The following KLHDC8A variants were observed in gnomAD, a reference collection of about 807,000 sequenced individuals.
KLHDC8A encodes kelch domain containing 8A.
Under a neutral mutation model 33.1 loss-of-function variants are expected in KLHDC8A, and 21 were observed. That is an observed-to-expected ratio of 0.64 (90% CI 0.45 to 0.91). KLHDC8A has a LOEUF of 0.91. Among genes scored for constraint, KLHDC8A ranks in the 40% least tolerant of loss-of-function variants. KLHDC8A has a pLI of 0.00. For synonymous variants in KLHDC8A, 173 were observed against 193.5 expected (o/e 0.89, Z 0.88); for missense variants, 435 against 483.3 (o/e 0.90, Z 0.94).
intron 1 of KLHDC8A, among the ~76,000 whole-genome samples, chr1:205,344,665 A>T (rs114827346): frequency 2.1e-3 from 320 of 152,332 alleles, no homozygotes; most frequent in African/African-American, 7.3e-3. Flanking sequence ...ATTATCATAT[A>T]GTTTAACCTC....
chr1:205,341,979 C>T (rs372136611), intron 2 of KLHDC8A, among the ~76,000 whole-genome samples: 19 of 152,314 alleles, frequency 1.2e-4, no homozygotes, highest in East Asian at 1.2e-3. Flanking sequence ...GACTGTAGGC[C>T]GTTGAGAATT....
chr1:205,337,657 A>G (rs1574904568), intron 5 of KLHDC8A, 65 bp from the exon 6 acceptor site: 2 of 1,245,182 alleles, frequency 1.6e-6, no homozygotes, highest in Non-Finnish European at 2.3e-6. Flanking sequence ...CCCCACGGTC[A>G]CCCCACCTCC....
intron 5 of KLHDC8A, 116 bp downstream of exon 5, chr1:205,338,379 A>G (rs1662691820): frequency 1.2e-5 from 9 of 759,864 alleles, no homozygotes; most frequent in Non-Finnish European, 1.8e-5. Flanking sequence ...TTTGGAGTAT[A>G]GTGGTAGGCA....
intron 2 of KLHDC8A, among the ~76,000 whole-genome samples, chr1:205,342,456 G>C (rs559899451): frequency 6.6e-6 from 1 of 152,178 alleles, no homozygotes. Context: ...CAGATCTTCC[G>C]CCTCTTTCCT....
In KLHDC8A at chr1:205,338,559, C is replaced by A; in HGVS notation, c.795G>T (p.Lys265Asn). The A allele has an allele frequency of 1.2e-6, 2 of 1,614,162 alleles. No individual in the cohort carries two copies. Among genetic ancestry groups the A allele is most frequent in the Non-Finnish European group, 1.7e-6 (2 of 1,180,032 alleles). Residue 265 changes from lysine (K) to asparagine (N), a missense_variant, in exon 5 of 6, where the codon AAG (lysine) becomes AAT (asparagine). By Grantham distance (94) the Lys-to-Asn change is moderately conservative. Transcript: ENST00000367155. Reference sequence around the variant, plus strand: ...CAGCCACAAAATCTGCCCGCCGCTTCTTGAGGAAGAACGATCGTTCCATCT... The same window carrying A: ...CAGCCACAAAATCTGCCCGCCGCTTATTGAGGAAGAACGATCGTTCCATCT... ...WLKMERSFFL[K>N]KRRADFVAGS...
chr1:205,338,074 A>T (rs1325345246), intron 5 of KLHDC8A, among the ~76,000 whole-genome samples: 2 of 152,098 alleles, frequency 1.3e-5, no homozygotes, highest in African/African-American at 4.8e-5. Context: ...AATACATCAA[A>T]CCCAAGATTC....
Position 205,336,734 on chromosome 1 carries a change from G to A in KLHDC8A, c.*665C>T, listed in dbSNP as rs985289829. ...GATGTGGGGAGCAGACCCAGGGCTG[G>A]GAGACTGCTCCTTCCCCATCACACA... On this transcript the variant is annotated 3_prime_UTR_variant, in exon 6 of 6. Transcript: ENST00000367155. 6.5e-6 allele frequency: 1 copy of A among 152,768 alleles called. No homozygotes were observed. The highest frequency in any genetic ancestry group is 1.5e-5 in the Non-Finnish European group (1 of 68,392). The allele number at this position is 152,768 out of a possible 1,614,324, so 9.5% of individuals were successfully genotyped here.
In KLHDC8A at chr1:205,353,062, T is replaced by C. The variant is rs1457740813; in HGVS notation, c.-190+3471A>G. 5.3e-5 allele frequency among the ~76,000 whole-genome samples: 8 copies of C among 152,358 alleles called. No homozygotes were observed. In the East Asian group the frequency reaches 1.5e-3, roughly 29 times the overall value. On this transcript the variant is annotated intron_variant, in intron 1 of 5. Transcript: ENST00000367155. ...TTCCTTGGATGCCATCTCCCTGCTTTGGTCCCAGTCTTGGGAATTATGTTC... is the reference window on the plus strand; with the variant it reads ...TTCCTTGGATGCCATCTCCCTGCTTCGGTCCCAGTCTTGGGAATTATGTTC...
At chr1:205,343,204 C>T (rs372682355) in intron 2 of KLHDC8A, 25 bp downstream of exon 2, 24 of 1,546,640 alleles carry the variant, frequency 1.6e-5, no homozygotes, top group South Asian at 7.4e-5. Context: ...TCTCTCTGGC[C>T]GCCCTCAGCC....
At position 205,343,629 on chromosome 1, in the gene KLHDC8A, G is replaced by A; in HGVS notation, c.-25C>T. The A allele has an allele frequency of 6.5e-7, 1 of 1,543,268 alleles. No individual in the cohort carries two copies. Among genetic ancestry groups the A allele is most frequent in the East Asian group, 2.3e-5 (1 of 43,754 alleles). ...TGGCAGCCTTGGGGAGCGCCCGGGC[G>A]CCGGGAGAGGTGCGAGCGCGGGGGT... is the stretch of plus-strand genomic sequence containing the variant. On this transcript the variant is annotated 5_prime_UTR_variant, in exon 2 of 6. Transcript: ENST00000367155.
intron 2 of KLHDC8A, among the ~76,000 whole-genome samples, chr1:205,342,263 C>T (rs753238422): frequency 6.6e-6 from 1 of 152,202 alleles, no homozygotes; most frequent in Non-Finnish European, 1.5e-5. Flanking sequence ...AGACCATTTA[C>T]TGAGGCCTGG....
chr1:205,351,536 G>T, intron 1 of KLHDC8A: 3 of 609,618 alleles, frequency 4.9e-6, no homozygotes, highest in Admixed American at 2.1e-5. Context: ...GTTTTACTAT[G>T]ATGTAAAAAT....
chr1:205,338,378 T>C lies in KLHDC8A; in HGVS notation c.859+117A>G, dbSNP rs1209128818. The C allele has an allele frequency of 6.6e-6, 5 of 758,212 alleles. No homozygotes were observed. In the East Asian group the frequency reaches 7.8e-5, roughly 12 times the overall value. The allele number at this position is 758,212 out of a possible 1,614,324, so 47.0% of individuals were successfully genotyped here. A position where few individuals can be genotyped will look rare whatever the true frequency, so the allele number is the denominator to read the frequency against. ...GGAGTGCTTCGAATTTTTTGGAGTA[T>C]AGTGGTAGGCAGGTGGTCTGCAGGG... On this transcript the variant is annotated intron_variant, in intron 5 of 5. Transcript: ENST00000367155.
intron 1 of KLHDC8A, chr1:205,344,135 C>T (rs1662878378): frequency 6.6e-6 from 1 of 152,446 alleles, no homozygotes; most frequent in African/African-American, 2.4e-5. Context: ...ATCACTTACG[C>T]TGCCAGGCCC....
At position 205,336,091 on chromosome 1, in the gene KLHDC8A, C is replaced by G. The variant is rs1662622868; in HGVS notation, c.*1308G>C. 1 of 152,192 alleles carries G rather than the reference C, an allele frequency of 6.6e-6. No individual in the cohort carries two copies. Among genetic ancestry groups the G allele is most frequent in the Non-Finnish European group, 1.5e-5 (1 of 68,034 alleles). The allele number at this position is 152,192 out of a possible 1,614,324, so 9.4% of individuals were successfully genotyped here. On this transcript the variant is annotated 3_prime_UTR_variant, in exon 6 of 6. Transcript: ENST00000367155. ...AGTGATACCTGACTCCTCCAGAACC[C>G]TTCAGGGCAGGCATTTTATTCATCA...
At chr1:205,347,345 C>T (rs1479149479) in intron 1 of KLHDC8A, among the ~76,000 whole-genome samples, 1 of 152,198 alleles carries the variant, frequency 6.6e-6, no homozygotes, top group Non-Finnish European at 1.5e-5. Context: ...GAAAGTTCTT[C>T]CTCATGTCAA....
chr1:205,339,529 G>A lies in KLHDC8A; in HGVS notation c.541+115C>T. 7.0e-7 allele frequency: 1 copy of A among 1,426,592 alleles called. No homozygotes were observed. The highest frequency in any genetic ancestry group is 2.3e-5 in the East Asian group (1 of 43,054). The allele number at this position is 1,426,592 out of a possible 1,614,324, so 88.4% of individuals were successfully genotyped here. A position where few individuals can be genotyped will look rare whatever the true frequency, so the allele number is the denominator to read the frequency against. On this transcript the variant is annotated intron_variant, in intron 3 of 5. Coordinates refer to ENST00000367155, the MANE Select transcript of KLHDC8A (RefSeq NM_018203.3). The surrounding 1 kb of genome is among the most constrained non-coding windows in gnomAD (Gnocchi z 5.1). ...ATACAGGAAGCTCCCGGTGGGCTGG[G>A]CAGTGTGATTATCCCCAGTGCCGAG...
In KLHDC8A at chr1:205,351,424, G is replaced by A. The variant is rs369283374; in HGVS notation, c.-190+5109C>T. 11 of 819,012 alleles carry A rather than the reference G, an allele frequency of 1.3e-5. No individual in the cohort carries two copies. The African/African-American group carries it at 1.5e-4, about 11-fold the overall frequency. 50.7% of individuals were successfully genotyped at this position (819,012 alleles called of 1,614,324 possible). ...TGGACAACAGAACAATATTGGAATG[G>A]TGGTAATATGAGGAAATAGTATCAT... On this transcript the variant is annotated intron_variant, in intron 1 of 5. Transcript: ENST00000367155.
chr1:205,345,098 C>A (rs1032579910), intron 1 of KLHDC8A, among the ~76,000 whole-genome samples: 3 of 152,178 alleles, frequency 2.0e-5, no homozygotes, highest in Admixed American at 2.0e-4. Flanking sequence ...AGAGAACCAA[C>A]CACCTGGTCT....
Sources: allele counts gnomAD v4.1 joint callset (sites outside exome capture counted in the v4.1 genomes callset), GRCh38; gene constraint gnomAD v4.1.1; non-coding constraint Gnocchi (gnomAD v3.1); transcripts MANE v1.5; gene names NCBI Gene and HGNC (gene_info 2026-07-23, HGNC 2026-07-21).